Variants in TAF1 observed in about 807,000 individuals in gnomAD.
TAF1 encodes the protein TATA-box binding protein associated factor 1.
In TAF1, 2 loss-of-function variants were observed where a neutral mutation model predicts 138.5. That is an observed-to-expected ratio of 0.01 (90% CI 0.01 to 0.05). TAF1 has a LOEUF of 0.05. TAF1 is among the 10% of genes least tolerant of loss of function. The pLI is 1.00. For synonymous variants in TAF1, 437 were observed against 503.2 expected (o/e 0.87, Z 1.76); for missense variants, 709 against 1,478.0 (o/e 0.48, Z 8.53).
At chrX:71,441,130 G>C (rs1171432798) in intron 32 of TAF1, among the ~76,000 whole-genome samples, 1 of 110,590 alleles carries the variant, frequency 9.0e-6, no homozygotes, top group Non-Finnish European at 1.9e-5. Context: ...CGAACTCCTG[G>C]CTTCAAGTGA....
intron 13 of TAF1, among the ~76,000 whole-genome samples, chrX:71,506,998 G>A (rs946775081): frequency 8.9e-6 from 1 of 111,878 alleles, no homozygotes; most frequent in African/African-American, 3.2e-5. Flanking sequence ...GATTCCATTT[G>A]CGTTAAATAT....
chrX:71,439,332 A>G (rs925088776), intron 32 of TAF1, among the ~76,000 whole-genome samples: 4 of 111,489 alleles, frequency 3.6e-5, no homozygotes, highest in African/African-American at 6.5e-5. Context: ...ATAAGTTCCA[A>G]CATCCAGTAT....
At chrX:71,386,017 C>T (rs757149277) in intron 14 of TAF1, among the ~76,000 whole-genome samples, 4 of 110,628 alleles carry the variant, frequency 3.6e-5, no homozygotes, top group South Asian at 3.9e-4. Flanking sequence ...CAAAATTAGC[C>T]GGGCATGGTG....
At chrX:71,519,024 G>A (rs1373191550) in intron 13 of TAF1, among the ~76,000 whole-genome samples, 1 of 107,752 alleles carries the variant, frequency 9.3e-6, no homozygotes, top group African/African-American at 3.4e-5. Context: ...AATTCTATAA[G>A]AATTTTTCAT....
At chrX:71,509,156 G>A (rs2039689817) in intron 13 of TAF1, among the ~76,000 whole-genome samples, 2 of 111,528 alleles carry the variant, frequency 1.8e-5, no homozygotes, top group African/African-American at 6.5e-5. Context: ...GAAGTGGCAA[G>A]TCATGGGTTT....
chrX:71,485,438 C>T (rs1157631341), intron 13 of TAF1, among the ~76,000 whole-genome samples: 1 of 111,576 alleles, frequency 9.0e-6, no homozygotes, highest in East Asian at 2.8e-4. Flanking sequence ...TTATTTTCCA[C>T]TCCCACCAGC....
Position 71,383,964 on chromosome X carries a change from G to A in TAF1, c.1950G>A (p.Met650Ile). The A allele has an allele frequency of 1.7e-6, 2 of 1,210,487 alleles. No homozygotes were observed. The highest frequency in any genetic ancestry group is 2.2e-6 in the Non-Finnish European group (2 of 894,974). Residue 650 changes from methionine (M) to isoleucine (I), a missense_variant and splice_region_variant, in exon 13 of 38, where the codon ATG (methionine) becomes ATA (isoleucine). Coordinates refer to ENST00000423759, the MANE Select transcript of TAF1 (RefSeq NM_004606.5). ...LLKHIKKKAK[M>I]REQERQASGG... is the part of the protein sequence containing the mutation. ...GGTATTTTCTTTGTTCTGGACAGAT[G>A]AGAGAACAAGAGAGGCAAGCTTCAG...
At chrX:71,435,997 T>C (rs1380736543) in intron 32 of TAF1, among the ~76,000 whole-genome samples, 1 of 108,222 alleles carries the variant, frequency 9.2e-6, no homozygotes, top group East Asian at 2.9e-4. Flanking sequence ...GTCCCATTTA[T>C]GGAACAGTCT....
chrX:71,396,633 A>C (rs1025424132), intron 22 of TAF1, among the ~76,000 whole-genome samples: 28 of 111,688 alleles, frequency 2.5e-4, no homozygotes, highest in Admixed American at 2.4e-3. Context: ...CCCACTTCCT[A>C]CATGGTCTTT....
intron 3 of TAF1, among the ~76,000 whole-genome samples, chrX:71,371,866 G>C (rs1044498891): frequency 8.9e-6 from 1 of 111,896 alleles, no homozygotes; most frequent in African/African-American, 3.2e-5. Flanking sequence ...ACTTTTGTGA[G>C]AATTGAAGTT....
rs1167670247 is a variant in TAF1, at chrX:71,483,740, A to ATCTCTC, written c.1366+22973_1366+22978dup. On this transcript the variant is annotated intron_variant and NMD_transcript_variant, in intron 13 of 14. Transcript: ENST00000373775. ...TTTTTACACATAATATATTGTGAAC[A>ATCTCTC]TCTCTCTCTCTCTCTCTCTCTCTCT... is the stretch of plus-strand genomic sequence containing the variant. 2.8e-3 allele frequency among the ~76,000 whole-genome samples: 177 copies of ATCTCTC among 62,378 alleles called. 4 individuals are homozygous for ATCTCTC. The highest frequency in any genetic ancestry group is 9.6e-3 in the East Asian group (16 of 1,669). 54.2% of individuals were successfully genotyped at this position (62,378 alleles called of 115,157 possible). A position where few individuals can be genotyped will look rare whatever the true frequency, so the allele number is the denominator to read the frequency against.
intron 13 of TAF1, among the ~76,000 whole-genome samples, chrX:71,496,703 C>T (rs2039403250): frequency 9.1e-6 from 1 of 110,483 alleles, no homozygotes; most frequent in South Asian, 3.9e-4. Context: ...CTTTGTCTCT[C>T]TGTCTCTTCC....
chrX:71,460,509 A>C, intron 36 of TAF1, 117 bp from the exon 37 acceptor site: 1 of 842,852 alleles, frequency 1.2e-6, no homozygotes, highest in Admixed American at 3.2e-5. Context: ...AGAGGCGTAT[A>C]GGCAAGATAC....
intron 30 of TAF1, among the ~76,000 whole-genome samples, chrX:71,423,648 C>T (rs752862582): frequency 6.3e-5 from 7 of 111,297 alleles, no homozygotes; most frequent in Non-Finnish European, 1.3e-4. Context: ...CAGTGATCCT[C>T]CCCAGGAATT....
At chrX:71,405,960 C>G (rs2035444080) in intron 25 of TAF1, among the ~76,000 whole-genome samples, 1 of 111,872 alleles carries the variant, frequency 8.9e-6, no homozygotes, top group Admixed American at 9.6e-5. Context: ...GAAGCCCAAA[C>G]TAGTTTGTTT....
rs771032515 is a variant in TAF1, at chrX:71,381,729, T to C, written c.1361-14T>C. 5 of 1,203,790 alleles carry C rather than the reference T, an allele frequency of 4.2e-6. No individual in the cohort carries two copies. The African/African-American group carries it at 5.3e-5, about 13-fold the overall frequency. On this transcript the variant is annotated splice_polypyrimidine_tract_variant and intron_variant, in intron 8 of 37. Coordinates refer to ENST00000423759, the MANE Select transcript of TAF1 (RefSeq NM_004606.5). Reference sequence around the variant, plus strand: ...GTTTTCTCTGTTACTATTTCCTCCTTGCACTTTGACTAGGTTTTGCAGCCA... The same window carrying C: ...GTTTTCTCTGTTACTATTTCCTCCTCGCACTTTGACTAGGTTTTGCAGCCA...
intron 32 of TAF1, among the ~76,000 whole-genome samples, chrX:71,452,979 C>T (rs895480654): frequency 3.6e-5 from 4 of 111,454 alleles, no homozygotes; most frequent in Admixed American, 1.9e-4. Context: ...GAGAATCAGG[C>T]AGGCAGGTTG....
At chrX:71,496,767 CTT>C (rs1458407720) in intron 13 of TAF1, among the ~76,000 whole-genome samples, 1 of 111,288 alleles carries the variant, frequency 9.0e-6, no homozygotes, top group Admixed American at 9.6e-5. Flanking sequence ...CTCTTTCTCT[CTT>C]TCTCTTTGAC....
chrX:71,510,971 C>T lies in TAF1; in HGVS notation c.1367-17571C>T, dbSNP rs181857972. On this transcript the variant is annotated intron_variant and NMD_transcript_variant, in intron 13 of 14. Coordinates refer to the TAF1 transcript ENST00000373775. Reference sequence around the variant, plus strand: ...ATGCAAAATTAGCCGGGCGTGGTGGCGCATGCCTGTAATCCCAGCTACTTG... The same window carrying T: ...ATGCAAAATTAGCCGGGCGTGGTGGTGCATGCCTGTAATCCCAGCTACTTG... Among the ~76,000 whole-genome samples, 153 of 111,075 alleles carry T rather than the reference C, an allele frequency of 1.4e-3. 1 individual carries two copies. Among genetic ancestry groups the T allele is most frequent in the Non-Finnish European group, 1.2e-3 (65 of 52,942 alleles).
Sources: gnomAD v4.1 joint callset for allele counts (sites outside exome capture counted in the v4.1 genomes callset) on GRCh38, gnomAD v4.1.1 for gene constraint, MANE v1.5 for transcripts, NCBI Gene and HGNC (gene_info 2026-07-23, HGNC 2026-07-21) for gene names.